The following ATRIP variants were observed in gnomAD, a reference collection of about 807,000 sequenced individuals.
The protein encoded by ATRIP is ATR-interacting protein.
Under a neutral mutation model 78.1 loss-of-function variants are expected in ATRIP, and 44 were observed. The observed-to-expected ratio is 0.56, with a 90% confidence interval of 0.44 to 0.72. ATRIP has a LOEUF of 0.72. Among genes scored for constraint, ATRIP ranks in the 30% least tolerant of loss-of-function variants. The probability of loss-of-function intolerance (pLI) is 0.00; values close to 1 mark genes in which losing one functional copy is unlikely to be tolerated. For synonymous variants in ATRIP, 388 were observed against 408.9 expected (o/e 0.95, Z 0.62); for missense variants, 927 against 980.2 (o/e 0.95, Z 0.72).
At chr3:48,457,522 A>ACAG (rs768435020) in intron 5 of ATRIP, 106 bp downstream of exon 5, 206 of 955,838 alleles carry the variant, frequency 2.2e-4, no homozygotes, top group Non-Finnish European at 2.9e-4. Context: ...CAATTCTGAC[A>ACAG]AGGCACAGAG....
In ATRIP at chr3:48,451,735, G is replaced by A; in HGVS notation, c.388G>A (p.Val130Ile). Residue 130 changes from valine (V) to isoleucine (I), a missense_variant, in exon 3 of 13, where the codon GTA becomes ATA. Physicochemically the swap from Val to Ile is conservative, Grantham distance 29 (BLOSUM62 3). Coordinates refer to ENST00000320211, the MANE Select transcript of ATRIP (RefSeq NM_130384.3). ...ATTAATTTGGGATTTACAGATGAAA[G>A]TAATGGAAGAAGAAGTTCTCATTAA... is the stretch of plus-strand genomic sequence containing the variant. ...QYKELKEKMK[V>I]MEEEVLIKNG... 1 of 1,589,126 alleles carries A rather than the reference G, an allele frequency of 6.3e-7. No homozygotes were observed. Among genetic ancestry groups the A allele is most frequent in the South Asian group, 1.2e-5 (1 of 86,276 alleles).
intron 1 of ATRIP, among the ~76,000 whole-genome samples, chr3:48,448,250 C>T (rs545758265): frequency 1.3e-5 from 2 of 151,774 alleles, no homozygotes; most frequent in East Asian, 3.9e-4. Flanking sequence ...CAGCCTCTAC[C>T]TCCCAGGTTC....
intron 8 of ATRIP, among the ~76,000 whole-genome samples, chr3:48,463,158 G>C (rs1043304718): frequency 6.6e-6 from 1 of 152,170 alleles, no homozygotes; most frequent in African/African-American, 2.4e-5. Context: ...CTTGGGGCTT[G>C]GTTTATTGGG....
intron 1 of ATRIP, among the ~76,000 whole-genome samples, chr3:48,448,070 ACTCC>A (rs1382242307): frequency 6.6e-6 from 1 of 150,956 alleles, no homozygotes; most frequent in Non-Finnish European, 1.5e-5. Context: ...TCCAGTCTTG[ACTCC>A]CTACAAGTGA....
intron 4 of ATRIP, among the ~76,000 whole-genome samples, chr3:48,455,220 C>T (rs1490794305): frequency 1.3e-5 from 2 of 152,130 alleles, no homozygotes; most frequent in Admixed American, 6.6e-5. Context: ...AACTTTCTAC[C>T]GCCTTTGTTC....
chr3:48,447,549 T>G (rs929287375), intron 1 of ATRIP: 5 of 986,144 alleles, frequency 5.1e-6, no homozygotes, highest in Non-Finnish European at 6.0e-6. Context: ...ATTTATTCTT[T>G]TATACAACCA....
At chr3:48,456,454 G>C (rs189152921) in intron 4 of ATRIP, among the ~76,000 whole-genome samples, 3 of 152,102 alleles carry the variant, frequency 2.0e-5, no homozygotes, top group African/African-American at 7.2e-5. Flanking sequence ...AAGTTAGCCA[G>C]ATGTGGTGGT....
Position 48,465,583 on chromosome 3 carries a change from A to T in ATRIP, c.*29A>T. 6.3e-7 allele frequency: 1 copy of T among 1,576,036 alleles called. No individual in the cohort carries two copies. The highest frequency in any genetic ancestry group is 8.7e-7 in the Non-Finnish European group (1 of 1,145,534). ...CCTGAGTGTCCAGCCACATGGTGGC[A>T]CCAGCACCACTCCTTTCCTTACCAC... On this transcript the variant is annotated 3_prime_UTR_variant, in exon 13 of 13. Transcript: ENST00000320211.
intron 1 of ATRIP, among the ~76,000 whole-genome samples, chr3:48,449,088 G>A (rs2039761290): frequency 6.6e-6 from 1 of 152,152 alleles, no homozygotes; most frequent in African/African-American, 2.4e-5. Context: ...GATAGGGAAA[G>A]AATAATAGGA....
chr3:48,456,578 A>T (rs1256464556), intron 4 of ATRIP, among the ~76,000 whole-genome samples: 1 of 150,892 alleles, frequency 6.6e-6, no homozygotes, highest in African/African-American at 2.4e-5. Context: ...AGCATGGGCA[A>T]CAGAGTGAGA....
At chr3:48,459,658 C>A in intron 6 of ATRIP, 129 bp from the exon 7 acceptor site, 1 of 1,300,678 alleles carries the variant, frequency 7.7e-7, no homozygotes. Context: ...CACCCACAGG[C>A]ATCTTCCTGG....
At chr3:48,451,385 A>G (rs879346638) in intron 2 of ATRIP, among the ~76,000 whole-genome samples, 3 of 152,184 alleles carry the variant, frequency 2.0e-5, no homozygotes, top group Non-Finnish European at 4.4e-5. Context: ...TAGCTACTCA[A>G]GAGGTTGAGG....
intron 12 of ATRIP, 86 bp from the exon 13 acceptor site, chr3:48,465,401 G>A: frequency 2.2e-6 from 3 of 1,371,568 alleles, no homozygotes; most frequent in Non-Finnish European, 3.1e-6. Context: ...GTTAGTTCCT[G>A]CGGACGTTGG....
At chr3:48,464,274 C>T in intron 10 of ATRIP, 142 bp downstream of exon 10, 1 of 809,562 alleles carries the variant, frequency 1.2e-6, no homozygotes, top group Non-Finnish European at 2.0e-6. Context: ...AAGAGGTAAA[C>T]TCAGTTTGGG....
chr3:48,454,505 G>A, intron 4 of ATRIP, 87 bp downstream of exon 4: 2 of 977,436 alleles, frequency 2.0e-6, no homozygotes, highest in Non-Finnish European at 3.2e-6. Context: ...CTAAATGAAG[G>A]CCATTTAGAC....
At chr3:48,452,947 C>T (rs900027887) in intron 3 of ATRIP, among the ~76,000 whole-genome samples, 10 of 145,260 alleles carry the variant, frequency 6.9e-5, no homozygotes, top group Admixed American at 1.4e-4. Context: ...TGCAGTGGTG[C>T]AATCACAGCT....
chr3:48,446,816 G>A lies in ATRIP; in HGVS notation c.-30G>A. The A allele has an allele frequency of 7.2e-7, 1 of 1,382,484 alleles. No individual in the cohort carries two copies. 85.6% of individuals were successfully genotyped at this position (1,382,484 alleles called of 1,614,324 possible). ...TGGCGGCAGGCAAGTCTAGCTCGGC[G>A]CTGTCGGATACTTGGGGTGAGCGGA... is the stretch of plus-strand genomic sequence containing the variant. On this transcript the variant is annotated 5_prime_UTR_variant, in exon 1 of 13. Coordinates refer to ENST00000320211, the MANE Select transcript of ATRIP (RefSeq NM_130384.3).
intron 4 of ATRIP, among the ~76,000 whole-genome samples, chr3:48,455,152 T>C (rs1345136420): frequency 6.6e-6 from 1 of 152,214 alleles, no homozygotes; most frequent in Admixed American, 6.5e-5. Flanking sequence ...CATGAGCCAC[T>C]GTGCCTGGCG....
chr3:48,450,289 G>C (rs547592863), intron 2 of ATRIP, 119 bp downstream of exon 2: 1 of 1,302,674 alleles, frequency 7.7e-7, no homozygotes, highest in East Asian at 2.5e-5. Context: ...CCTATGACAT[G>C]GGAAAAGACT....
Sources: gnomAD v4.1 joint callset for allele counts (sites outside exome capture counted in the v4.1 genomes callset) on GRCh38, gnomAD v4.1.1 for gene constraint, MANE v1.5 for transcripts, NCBI Gene and HGNC (gene_info 2026-07-23, HGNC 2026-07-21) for gene names.